Variants in PRKD1 observed in about 807,000 individuals in gnomAD.
PRKD1 encodes protein kinase D1, also known as serine/threonine-protein kinase D1.
Under a neutral mutation model 95.9 loss-of-function variants are expected in PRKD1, and 63 were observed. The ratio of observed to expected loss-of-function variants is 0.66; its 90% CI spans 0.54 to 0.81. The LOEUF (loss-of-function observed/expected upper bound fraction) is 0.81. Ranked by LOEUF, PRKD1 falls within the 30% of genes least tolerant of loss-of-function variation. PRKD1 has a pLI of 0.00. For synonymous variants in PRKD1, 425 were observed against 423.1 expected, an observed-to-expected ratio of 1.00 and a Z score of -0.05; for missense variants, 1,048 against 1,165.3, an observed-to-expected ratio of 0.90 and a Z score of 1.47.
At position 29,628,733 on chromosome 14, in the gene PRKD1, T is replaced by C. The variant is rs542056274; in HGVS notation, c.1725+308A>G. On this transcript the variant is annotated intron_variant, in intron 11 of 17. Transcript: ENST00000331968. Reference sequence around the variant, plus strand: ...TTTTATTTTGCTCATGTATTTATTTTACTGTGTAATATCAACCATTAAAAT... The same window carrying C: ...TTTTATTTTGCTCATGTATTTATTTCACTGTGTAATATCAACCATTAAAAT... 1.2e-4 allele frequency among the ~76,000 whole-genome samples: 18 copies of C among 152,310 alleles called. 1 individual carries two copies. Among genetic ancestry groups the C allele is most frequent in the Non-Finnish European group, 2.1e-4 (14 of 68,010 alleles).
At chr14:29,836,061 G>A (rs776663131) in intron 1 of PRKD1, among the ~76,000 whole-genome samples, 3 of 152,162 alleles carry the variant, frequency 2.0e-5, no homozygotes, top group Non-Finnish European at 4.4e-5. Flanking sequence ...CTCCCCAGAT[G>A]AGACAATCAA....
At chr14:29,846,063 C>A (rs916201113) in intron 1 of PRKD1, among the ~76,000 whole-genome samples, 2 of 151,976 alleles carry the variant, frequency 1.3e-5, no homozygotes, top group Non-Finnish European at 2.9e-5. Context: ...ACATGTTATA[C>A]CCAACCAGTA....
intron 1 of PRKD1, among the ~76,000 whole-genome samples, chr14:29,879,422 C>A (rs1893424011): frequency 6.6e-6 from 1 of 152,190 alleles, no homozygotes; most frequent in South Asian, 2.1e-4. Flanking sequence ...TCTCTTGCTG[C>A]CACCACGTAA....
intron 1 of PRKD1, among the ~76,000 whole-genome samples, chr14:29,748,527 T>G (rs1292398041): frequency 6.6e-6 from 1 of 152,180 alleles, no homozygotes; most frequent in South Asian, 2.1e-4. Context: ...AAACTTTTGA[T>G]AGATATTAAG....
intron 16 of PRKD1, among the ~76,000 whole-genome samples, chr14:29,591,959 A>G (rs1893144721): frequency 6.6e-6 from 1 of 152,184 alleles, no homozygotes; most frequent in Non-Finnish European, 1.5e-5. Flanking sequence ...AATTTTCCTT[A>G]GTTGTACCTG....
intron 2 of PRKD1, among the ~76,000 whole-genome samples, chr14:29,725,007 C>T (rs1321946842): frequency 1.3e-5 from 2 of 152,156 alleles, no homozygotes; most frequent in African/African-American, 4.8e-5. Context: ...GTAGCCATTT[C>T]TCAGGGACTG....
intron 1 of PRKD1, among the ~76,000 whole-genome samples, chr14:29,770,648 G>C (rs1437260278): frequency 6.6e-6 from 1 of 152,142 alleles, no homozygotes; most frequent in Non-Finnish European, 1.5e-5. Flanking sequence ...CTTATGAGAA[G>C]TGAAACAAGA....
intron 11 of PRKD1, among the ~76,000 whole-genome samples, chr14:29,627,023 CTCTT>C (rs1879675278): frequency 6.6e-6 from 1 of 152,146 alleles, no homozygotes; most frequent in South Asian, 2.1e-4. Context: ...TCAAAGCACA[CTCTT>C]TAATTAATGT....
At chr14:29,860,466 T>C (rs1892669253) in intron 1 of PRKD1, among the ~76,000 whole-genome samples, 1 of 152,074 alleles carries the variant, frequency 6.6e-6, no homozygotes, top group African/African-American at 2.4e-5. Context: ...GAGAACCAGC[T>C]ACTCAGAGTT....
chr14:29,824,201 G>C (rs1252682397), intron 1 of PRKD1, among the ~76,000 whole-genome samples: 2 of 152,148 alleles, frequency 1.3e-5, no homozygotes, highest in East Asian at 3.8e-4. Flanking sequence ...TATCATTTCA[G>C]AGAAACAGCC....
chr14:29,877,178 T>A (rs117337050), intron 1 of PRKD1, among the ~76,000 whole-genome samples: 3,942 of 151,644 alleles, frequency 0.026, 71 homozygotes, highest in Middle Eastern at 0.051. Context: ...GAAGAAGAAG[T>A]AGGTACACTA....
At chr14:29,763,343 G>A (rs1888092583) in intron 1 of PRKD1, among the ~76,000 whole-genome samples, 1 of 125,266 alleles carries the variant, frequency 8.0e-6, no homozygotes, top group African/African-American at 2.9e-5. Context: ...AGGAAGGAAC[G>A]AAGCAAGGAA....
chr14:29,877,133 G>A (rs1893327705), intron 1 of PRKD1, among the ~76,000 whole-genome samples: 1 of 152,150 alleles, frequency 6.6e-6, no homozygotes, highest in Non-Finnish European at 1.5e-5. Flanking sequence ...GCCTGGGCCA[G>A]AGAGCAAGAC....
intron 2 of PRKD1, among the ~76,000 whole-genome samples, chr14:29,712,182 G>A (rs1306152068): frequency 2.6e-5 from 4 of 152,116 alleles, no homozygotes; most frequent in Non-Finnish European, 5.9e-5. Context: ...TGAAACAAAA[G>A]GTAGTTTTTG....
chr14:29,663,156 T>G (rs1594406781), intron 4 of PRKD1, among the ~76,000 whole-genome samples: 1 of 143,792 alleles, frequency 7.0e-6, no homozygotes, highest in East Asian at 2.0e-4. Context: ...TCCATATATA[T>G]ATATATATAT....
rs145994326 is a variant in PRKD1 at position 29,809,652 on chromosome 14, C to T, written c.265-83978G>A. ...TCTGTAGCTTCCTCACCTCTCTCAG[C>T]ATTCACAGAATTAAAGAGAGTTAGG... is the stretch of plus-strand genomic sequence containing the variant. On this transcript the variant is annotated intron_variant, in intron 1 of 17. Transcript: ENST00000331968. Among the ~76,000 whole-genome samples, 631 of 152,338 alleles carry T rather than the reference C, an allele frequency of 4.1e-3. 9 individuals are homozygous for T. Among genetic ancestry groups the T allele is most frequent in the East Asian group, 0.016 (82 of 5,186 alleles).
chr14:29,837,714 G>C (rs1891664836), intron 1 of PRKD1, among the ~76,000 whole-genome samples: 1 of 152,138 alleles, frequency 6.6e-6, no homozygotes, highest in Non-Finnish European at 1.5e-5. Flanking sequence ...TACAGCAATA[G>C]TAATTCATGT....
At chr14:29,818,059 C>G (rs1045936350) in intron 1 of PRKD1, among the ~76,000 whole-genome samples, 1 of 152,154 alleles carries the variant, frequency 6.6e-6, no homozygotes, top group African/African-American at 2.4e-5. Flanking sequence ...TTTCTTCTAC[C>G]TTGCTGCCTA....
At chr14:29,870,403 C>T (rs1345468766) in intron 1 of PRKD1, among the ~76,000 whole-genome samples, 1 of 152,124 alleles carries the variant, frequency 6.6e-6, no homozygotes, top group Non-Finnish European at 1.5e-5. Flanking sequence ...AAAAAAAAGG[C>T]AGAATTATGG....
Sources: gnomAD v4.1 joint callset for allele counts (sites outside exome capture counted in the v4.1 genomes callset) on GRCh38, gnomAD v4.1.1 for gene constraint, MANE v1.5 for transcripts, NCBI Gene and HGNC (gene_info 2026-07-23, HGNC 2026-07-21) for gene names.